Variants in DDX10 observed in about 807,000 individuals in gnomAD.
DDX10 encodes DEAD-box helicase 10.
In DDX10, 74 loss-of-function variants were observed where a neutral mutation model predicts 104.3. That is an observed-to-expected ratio of 0.71 (90% confidence interval 0.59 to 0.86). The LOEUF (loss-of-function observed/expected upper bound fraction) is 0.86, where lower values mean the gene tolerates loss of function less well. DDX10 is among the 40% of genes least tolerant of loss of function. The pLI, the probability that DDX10 is intolerant of heterozygous loss-of-function variation, is 0.00. For missense variants in DDX10, 952 were observed against 1,040.0 expected, an observed-to-expected ratio of 0.92 and a Z score of 1.16; for synonymous variants, 351 against 353.4, an observed-to-expected ratio of 0.99 and a Z score of 0.08.
intron 11 of DDX10, among the ~76,000 whole-genome samples, chr11:108,716,945 A>G (rs2094292280): frequency 6.6e-6 from 1 of 152,128 alleles, no homozygotes; most frequent in African/African-American, 2.4e-5. Context: ...AAGTTTTTAG[A>G]ATATTCCACA....
intron 13 of DDX10, among the ~76,000 whole-genome samples, chr11:108,743,275 A>C (rs565425233): frequency 6.6e-6 from 1 of 152,322 alleles, no homozygotes; most frequent in East Asian, 1.9e-4. Flanking sequence ...CTAAAAGCAA[A>C]AACCACATGA....
chr11:108,730,223 C>T (rs1225556699), intron 13 of DDX10: 1 of 152,224 alleles, frequency 6.6e-6, no homozygotes, highest in Non-Finnish European at 1.5e-5. Flanking sequence ...TACTTCTAAA[C>T]ATTTCGAAAA....
chr11:108,689,451 C>T (rs1031286378), intron 7 of DDX10, among the ~76,000 whole-genome samples: 18 of 152,146 alleles, frequency 1.2e-4, no homozygotes, highest in African/African-American at 4.1e-4. Flanking sequence ...TCTGGAATGC[C>T]CTCCCTGCAT....
At chr11:108,723,745 A>G (rs2094301784) in intron 13 of DDX10, among the ~76,000 whole-genome samples, 1 of 152,172 alleles carries the variant, frequency 6.6e-6, no homozygotes, top group South Asian at 2.1e-4. Flanking sequence ...TTAAGTCTCA[A>G]AGGAAGGCAA....
intron 17 of DDX10, among the ~76,000 whole-genome samples, chr11:108,931,632 T>C (rs568510475): frequency 5.3e-5 from 8 of 152,210 alleles, no homozygotes; most frequent in Non-Finnish European, 8.8e-5. Context: ...GATAAAAGGT[T>C]CCATGGTCAC....
chr11:108,804,601 G>A (rs1053006570), intron 13 of DDX10, among the ~76,000 whole-genome samples: 4 of 152,078 alleles, frequency 2.6e-5, no homozygotes, highest in African/African-American at 7.2e-5. Flanking sequence ...AGAAGTCTGG[G>A]CACAGCTTAG....
At chr11:108,784,678 A>G (rs910312376) in intron 13 of DDX10, among the ~76,000 whole-genome samples, 5 of 152,182 alleles carry the variant, frequency 3.3e-5, no homozygotes, top group Non-Finnish European at 7.3e-5. Context: ...TTTGGTGTGC[A>G]GAAGCTCTTT....
At chr11:108,841,647 G>A (rs993856122) in intron 15 of DDX10, among the ~76,000 whole-genome samples, 171 bp downstream of exon 15, 1 of 152,030 alleles carries the variant, frequency 6.6e-6, no homozygotes, top group Non-Finnish European at 1.5e-5. Context: ...TGCTGGGGGA[G>A]TCTGTATATT....
intron 13 of DDX10, among the ~76,000 whole-genome samples, chr11:108,782,937 G>A (rs1861727887): frequency 6.6e-6 from 1 of 152,160 alleles, no homozygotes. Context: ...GACATGGTCT[G>A]AGTTTAGGTC....
intron 10 of DDX10, among the ~76,000 whole-genome samples, chr11:108,712,877 A>C (rs1226666073): frequency 6.6e-6 from 1 of 151,690 alleles, no homozygotes; most frequent in Non-Finnish European, 1.5e-5. Flanking sequence ...AAGTTTTGTC[A>C]ATTTTTGTTT....
chr11:108,794,009 A>AT (rs1393846785), intron 13 of DDX10, among the ~76,000 whole-genome samples: 1 of 151,882 alleles, frequency 6.6e-6, no homozygotes, highest in Non-Finnish European at 1.5e-5. Flanking sequence ...ACATGATTTC[A>AT]TTTTTTTAAT....
rs575162877 is a variant in DDX10 at position 108,759,451 on chromosome 11, C to T, written c.1965+35989C>T. ...TACGCTAACCATCGCTCATACAGCT[C>T]CAGGGGTGTTGTTTGGTATTAGTGT... On this transcript the variant is annotated intron_variant, in intron 13 of 17. Coordinates refer to ENST00000322536, the MANE Select transcript of DDX10 (RefSeq NM_004398.4). Among the ~76,000 whole-genome samples the T allele has an allele frequency of 9.9e-5, 15 of 151,950 alleles. No homozygotes were observed. The South Asian group carries it at 2.3e-3, about 23-fold the overall frequency.
chr11:108,936,882 C>T (rs537445321), intron 17 of DDX10, among the ~76,000 whole-genome samples: 2 of 152,208 alleles, frequency 1.3e-5, no homozygotes, highest in South Asian at 4.1e-4. Flanking sequence ...AAAATGCCCT[C>T]AAGAAAGATT....
chr11:108,890,839 G>A (rs1322598249), intron 16 of DDX10, among the ~76,000 whole-genome samples: 6 of 152,112 alleles, frequency 3.9e-5, no homozygotes, highest in African/African-American at 1.4e-4. Context: ...TGAGACTAAG[G>A]AAGAAATCCC....
At chr11:108,685,871 G>C (rs1386683946) in intron 6 of DDX10, among the ~76,000 whole-genome samples, 1 of 152,058 alleles carries the variant, frequency 6.6e-6, no homozygotes, top group Non-Finnish European at 1.5e-5. Flanking sequence ...ACTTATAAAA[G>C]TTTAAGATTC....
chr11:108,679,471 A>G lies in DDX10; in HGVS notation c.759A>G (p.Ser253=), dbSNP rs1229345724. 6.2e-7 allele frequency: 1 copy of G among 1,613,874 alleles called. No homozygotes were observed. The highest frequency in any genetic ancestry group is 1.3e-5 in the African/African-American group (1 of 74,918). The change falls in exon 6 of 18, where the codon TCA becomes TCG. Residue 253 remains serine, a synonymous_variant. Transcript: ENST00000322536. ...AGAAACGTCAGACTTTACTTTTCTCAGCAACACAAACTAAATCTGTAAAGG... is the reference window on the plus strand; with the variant it reads ...AGAAACGTCAGACTTTACTTTTCTCGGCAACACAAACTAAATCTGTAAAGG... ...LPKKRQTLLF[S]ATQTKSVKDL...
At chr11:108,908,070 A>G (rs929579135) in intron 16 of DDX10, among the ~76,000 whole-genome samples, 1 of 152,208 alleles carries the variant, frequency 6.6e-6, no homozygotes, top group African/African-American at 2.4e-5. Context: ...GCATTTAATA[A>G]CATCACTAAC....
At chr11:108,722,280 T>C (rs529018567) in intron 12 of DDX10, among the ~76,000 whole-genome samples, 5 of 152,172 alleles carry the variant, frequency 3.3e-5, no homozygotes, top group Admixed American at 1.3e-4. Flanking sequence ...TTCAGAGCAA[T>C]CCTTGATAAA....
intron 11 of DDX10, among the ~76,000 whole-genome samples, chr11:108,717,031 T>A (rs1565256811): frequency 1.3e-5 from 2 of 152,186 alleles, no homozygotes; most frequent in Non-Finnish European, 2.9e-5. Context: ...AATTAACAGA[T>A]ATTTGAGTTC....
Sources: allele counts gnomAD v4.1 joint callset (sites outside exome capture counted in the v4.1 genomes callset), GRCh38; gene constraint gnomAD v4.1.1; transcripts MANE v1.5; gene names NCBI Gene and HGNC (gene_info 2026-07-23, HGNC 2026-07-21).